The following MDN1 variants were observed in gnomAD, a reference collection of about 807,000 sequenced individuals.
MDN1 encodes midasin.
Under a neutral mutation model 669.2 loss-of-function variants are expected in MDN1, and 266 were observed. That is an observed-to-expected ratio of 0.40 (90% CI 0.36 to 0.44). The LOEUF (loss-of-function observed/expected upper bound fraction) is 0.44, where lower values mean the gene tolerates loss of function less well. Among genes scored for constraint, MDN1 ranks in the 20% least tolerant of loss-of-function variants. The pLI is 1.00. For missense variants in MDN1, 5,940 were observed against 6,754.0 expected (o/e 0.88, Z 4.22); for synonymous variants, 2,385 against 2,457.1 (o/e 0.97, Z 0.87).
intron 35 of MDN1, among the ~76,000 whole-genome samples, chr6:89,729,749 C>A (rs1034065697): frequency 6.7e-6 from 1 of 150,046 alleles, no homozygotes; most frequent in Non-Finnish European, 1.5e-5. Context: ...TTACCTCACC[C>A]TTGGTAGCAG....
At position 89,687,364 on chromosome 6, in the gene MDN1, C is replaced by A. The variant is rs747044584; in HGVS notation, c.11430G>T (p.Arg3810=). Residue 3810 remains arginine, a synonymous_variant, in exon 68 of 102, where the codon CGG becomes CGT. Transcript: ENST00000369393. ...HLDLISQMII[R]WRKLELNCWS... Reference sequence around the variant, plus strand: ...CTTACTTCAGCTCCAGTTTACGCCACCGAATGATCATCTGACTGATCAAAT... The same window carrying A: ...CTTACTTCAGCTCCAGTTTACGCCAACGAATGATCATCTGACTGATCAAAT... 6.2e-7 allele frequency: 1 copy of A among 1,614,012 alleles called. No individual in the cohort carries two copies. Among genetic ancestry groups the A allele is most frequent in the Non-Finnish European group, 8.5e-7 (1 of 1,179,950 alleles).
chr6:89,670,433 C>T (rs1347703771), intron 83 of MDN1, among the ~76,000 whole-genome samples: 1 of 151,908 alleles, frequency 6.6e-6, no homozygotes, highest in African/African-American at 2.4e-5. Flanking sequence ...CCGCCTCAGC[C>T]TCCCAAACTG....
At position 89,674,325 on chromosome 6, in the gene MDN1, T is replaced by C. The variant is rs765130903; in HGVS notation, c.13026A>G (p.Gly4342=). 1.7e-5 allele frequency: 27 copies of C among 1,614,110 alleles called. No individual in the cohort carries two copies. The South Asian group carries it at 3.0e-4, about 18-fold the overall frequency. ...PCLEGPELSK[G]QLCGVVLDLI... is the part of the protein sequence containing the mutation. ...GGTCCAGCACTACTCCACAAAGTTG[T>C]CCCTTGCTAAGTTCTGGTCCTTCCA... Residue 4342 remains glycine (G), a synonymous_variant, in exon 79 of 102, where the codon GGA becomes GGG. Coordinates refer to ENST00000369393, the MANE Select transcript of MDN1 (RefSeq NM_014611.3).
intron 74 of MDN1, among the ~76,000 whole-genome samples, chr6:89,680,324 A>G (rs970069506): frequency 1.8e-4 from 27 of 152,350 alleles, no homozygotes; most frequent in African/African-American, 6.3e-4. Context: ...ACCAACCAAC[A>G]GGAACTAGTA....
chr6:89,752,127 T>C (rs780336857), intron 22 of MDN1, among the ~76,000 whole-genome samples: 2 of 152,174 alleles, frequency 1.3e-5, no homozygotes, highest in African/African-American at 4.8e-5. Flanking sequence ...AGTAAAAAAA[T>C]GGTTAAATGG....
intron 1 of MDN1, among the ~76,000 whole-genome samples, chr6:89,804,543 T>G (rs1020604059): frequency 6.6e-6 from 1 of 152,034 alleles, no homozygotes; most frequent in Non-Finnish European, 1.5e-5. Context: ...CTTTAACTCT[T>G]GAAGAAAAAA....
chr6:89,738,976 C>T (rs1006568747), intron 32 of MDN1, among the ~76,000 whole-genome samples: 9 of 152,226 alleles, frequency 5.9e-5, no homozygotes, highest in Non-Finnish European at 1.3e-4. Context: ...GCCTTTGCCC[C>T]TGTAGATTCC....
intron 52 of MDN1, 123 bp from the exon 53 acceptor site, chr6:89,706,315 G>A: frequency 9.5e-7 from 1 of 1,058,170 alleles, no homozygotes; most frequent in Non-Finnish European, 1.3e-6. Flanking sequence ...TCAATTTTGA[G>A]AGCAAAAGCA....
In MDN1 at chr6:89,810,334, G is replaced by C. The variant is rs559332490; in HGVS notation, c.103-6780C>G. 3.3e-5 allele frequency among the ~76,000 whole-genome samples: 5 copies of C among 152,144 alleles called. No homozygotes were observed. In the South Asian group the frequency reaches 1.0e-3, roughly 32 times the overall value. ...GCCTGTAGTCCCAGCTACCAGGAAG[G>C]CTGAGGCAGGAGAATCGCTTGAACC... On this transcript the variant is annotated intron_variant, in intron 1 of 101. Coordinates refer to ENST00000369393, the MANE Select transcript of MDN1 (RefSeq NM_014611.3).
At chr6:89,716,930 A>T in intron 43 of MDN1, 121 bp from the exon 44 acceptor site, 1 of 1,118,918 alleles carries the variant, frequency 8.9e-7, no homozygotes, top group Non-Finnish European at 1.2e-6. Context: ...AAAAGAATAA[A>T]TAGAAGAATG....
chr6:89,746,529 G>A (rs1816621171), intron 27 of MDN1, among the ~76,000 whole-genome samples: 1 of 149,010 alleles, frequency 6.7e-6, no homozygotes, highest in African/African-American at 2.5e-5. Flanking sequence ...GGGAGGCAGA[G>A]GTTACAGTGA....
intron 10 of MDN1, among the ~76,000 whole-genome samples, chr6:89,780,734 C>G (rs370433924): frequency 6.6e-6 from 1 of 150,936 alleles, no homozygotes; most frequent in East Asian, 2.0e-4. Context: ...AACCTCCACC[C>G]GGGTTCAGGC....
chr6:89,718,154 G>A (rs953497026), intron 43 of MDN1, among the ~76,000 whole-genome samples: 2 of 152,084 alleles, frequency 1.3e-5, no homozygotes, highest in Admixed American at 6.6e-5. Context: ...ATAAAGCAAC[G>A]TAACCAATTT....
chr6:89,722,349 C>G (rs1814885768), intron 40 of MDN1, among the ~76,000 whole-genome samples: 1 of 152,212 alleles, frequency 6.6e-6, no homozygotes, highest in Non-Finnish European at 1.5e-5. Context: ...CTGCCTCCTC[C>G]TGCTTCTCAC....
chr6:89,683,852 T>C lies in MDN1; in HGVS notation c.11882A>G (p.Gln3961Arg). The C allele has an allele frequency of 3.7e-6, 6 of 1,613,582 alleles. No homozygotes were observed. The highest frequency in any genetic ancestry group is 5.1e-6 in the Non-Finnish European group (6 of 1,179,644). The change falls in exon 72 of 102, where the codon CAA (glutamine) becomes CGA (arginine). Residue 3961 changes from glutamine (Q) to arginine (R), a missense_variant. Gln to Arg is a conservative substitution (Grantham distance 43). Around this residue, in one of 5 missense-constraint regions of MDN1, gnomAD observed 2,280 missense variants for 2,576.3 expected, o/e 0.88. Transcript: ENST00000369393. The part of the protein sequence containing the change: ...WNDVSFWSIK[Q>R]SVEKTHRTLF... ...TTACCTGTGTGTCTTTTCTACAGAT[T>C]GCTTAATGGACCAGAAGCTGACATC... is the stretch of plus-strand genomic sequence containing the variant.
At chr6:89,679,604 G>A (rs2128305789) in intron 74 of MDN1, among the ~76,000 whole-genome samples, 1 of 152,324 alleles carries the variant, frequency 6.6e-6, no homozygotes, top group Non-Finnish European at 1.5e-5. Flanking sequence ...AGAACACACA[G>A]ATGAAGAGTG....
intron 85 of MDN1, 141 bp downstream of exon 85, chr6:89,664,346 T>G: frequency 1.1e-6 from 1 of 950,366 alleles, no homozygotes; most frequent in Non-Finnish European, 1.6e-6. Flanking sequence ...ATGCAGCTGC[T>G]GAGGTTTTCA....
At chr6:89,661,334 C>T in intron 88 of MDN1, 97 bp downstream of exon 88, 1 of 1,377,244 alleles carries the variant, frequency 7.3e-7, no homozygotes, top group Non-Finnish European at 9.9e-7. Flanking sequence ...CGTGATTTAT[C>T]ACCTGGCCAT....
intron 78 of MDN1, among the ~76,000 whole-genome samples, chr6:89,674,837 T>C (rs1811075310): frequency 6.6e-6 from 1 of 152,122 alleles, no homozygotes; most frequent in Non-Finnish European, 1.5e-5. Flanking sequence ...ACTAGCATTA[T>C]CTAGTAAATG....
Sources: allele counts gnomAD v4.1 joint callset (sites outside exome capture counted in the v4.1 genomes callset), GRCh38; gene constraint gnomAD v4.1.1; regional missense constraint gnomAD v4.1.1; transcripts MANE v1.5; gene names NCBI Gene and HGNC (gene_info 2026-07-23, HGNC 2026-07-21).